EFR3B: variants seen among roughly 807,000 people sequenced by gnomAD.
EFR3B encodes protein EFR3 homolog B.
EFR3B carries 64 observed loss-of-function variants against 104.7 expected under a neutral mutation model. The observed-to-expected ratio is 0.61, with a 90% CI of 0.50 to 0.75. EFR3B has a LOEUF of 0.75. Ranked by LOEUF, EFR3B falls within the 30% of genes least tolerant of loss-of-function variation. EFR3B has a pLI of 0.00. For synonymous variants in EFR3B, 385 were observed against 417.9 expected, an observed-to-expected ratio of 0.92 and a Z score of 0.96; for missense variants, 750 against 1,078.5, an observed-to-expected ratio of 0.70 and a Z score of 4.27.
At chr2:25,079,232 A>G (rs776045943) in intron 1 of EFR3B, among the ~76,000 whole-genome samples, 1 of 152,208 alleles carries the variant, frequency 6.6e-6, no homozygotes, top group Non-Finnish European at 1.5e-5. Context: ...ATAAAGAATG[A>G]ATTGAAGTGA....
chr2:25,129,557 C>T (rs1395720604), intron 6 of EFR3B, among the ~76,000 whole-genome samples: 1 of 152,008 alleles, frequency 6.6e-6, no homozygotes, highest in Non-Finnish European at 1.5e-5. Flanking sequence ...TTTTCCCTCC[C>T]TCTCTTTCCT....
At chr2:25,122,398 A>G in intron 5 of EFR3B, among the ~76,000 whole-genome samples, 1 of 152,110 alleles carries the variant, frequency 6.6e-6, no homozygotes, top group East Asian at 1.9e-4. Flanking sequence ...AGCCCTCCAT[A>G]CACTCTTTTG....
At chr2:25,072,393 A>G (rs997329952) in intron 1 of EFR3B, among the ~76,000 whole-genome samples, 2 of 151,980 alleles carry the variant, frequency 1.3e-5, no homozygotes, top group Admixed American at 1.3e-4. Context: ...TGATCCTCCA[A>G]CCTCAGCCTC....
intron 1 of EFR3B, among the ~76,000 whole-genome samples, chr2:25,043,397 C>T (rs947032276): frequency 8.5e-5 from 13 of 152,160 alleles, no homozygotes; most frequent in African/African-American, 3.1e-4. Flanking sequence ...TGCCTCGCTC[C>T]GCGAACAGAC....
chr2:25,154,460 C>A lies in EFR3B; in HGVS notation c.*120C>A, dbSNP rs2118404. On this transcript the variant is annotated 3_prime_UTR_variant, in exon 23 of 23. Transcript: ENST00000403714. The surrounding 1 kb of genome is among the most constrained non-coding windows in gnomAD (Gnocchi z 4.1). ...GAGAAAACATCACCTTAGATGGCAG[C>A]GCCTCCCAGGCTAAGCCAAGGTGGA... 1.6e-5 allele frequency: 15 copies of A among 923,194 alleles called. No individual in the cohort carries two copies. The Admixed American group carries it at 2.2e-4, about 13-fold the overall frequency. The allele number at this position is 923,194 out of a possible 1,614,324, so 57.2% of individuals were successfully genotyped here.
intron 1 of EFR3B, among the ~76,000 whole-genome samples, chr2:25,049,276 G>A (rs777754898): frequency 2.0e-5 from 3 of 152,024 alleles, no homozygotes; most frequent in African/African-American, 2.4e-5. Flanking sequence ...CTAACTATTT[G>A]CGTGTTAGTA....
chr2:25,079,953 G>T, intron 1 of EFR3B: 3 of 1,269,328 alleles, frequency 2.4e-6, no homozygotes, highest in Non-Finnish European at 2.3e-6. Flanking sequence ...GGCTAAGTCC[G>T]CTGTTTCAGA....
intron 1 of EFR3B, among the ~76,000 whole-genome samples, chr2:25,084,213 AAT>A: frequency 6.6e-6 from 1 of 151,794 alleles, no homozygotes; most frequent in South Asian, 2.1e-4. Context: ...GGTCTCAGTT[AAT>A]TAATTATTTT....
chr2:25,071,203 G>A (rs1337282953), intron 1 of EFR3B, among the ~76,000 whole-genome samples: 25 of 149,904 alleles, frequency 1.7e-4, no homozygotes, highest in African/African-American at 2.5e-4. Context: ...CTCGTGATCC[G>A]CCTGCCTTGG....
At chr2:25,091,559 A>G (rs1239367657) in intron 2 of EFR3B, among the ~76,000 whole-genome samples, 158 bp downstream of exon 2, 2 of 152,264 alleles carry the variant, frequency 1.3e-5, no homozygotes, top group South Asian at 2.1e-4. Context: ...AACCTGGGCT[A>G]CAGCCATGGG....
chr2:25,092,615 C>G (rs1031979555), intron 2 of EFR3B, among the ~76,000 whole-genome samples: 13 of 151,544 alleles, frequency 8.6e-5, no homozygotes, highest in Admixed American at 3.3e-4. Context: ...ATGGTGCAAT[C>G]TTGGCTCACT....
intron 1 of EFR3B, chr2:25,081,721 C>T: frequency 2.0e-6 from 1 of 495,668 alleles, no homozygotes; most frequent in South Asian, 3.9e-5. Flanking sequence ...TTGGTACCGC[C>T]TGCAGCCGCA....
intron 1 of EFR3B, among the ~76,000 whole-genome samples, chr2:25,070,348 G>A (rs1250142838): frequency 6.6e-6 from 1 of 152,066 alleles, no homozygotes; most frequent in Non-Finnish European, 1.5e-5. Context: ...TGCAACCTCC[G>A]CCTCCCGGGT....
intron 1 of EFR3B, among the ~76,000 whole-genome samples, chr2:25,043,553 T>TACGTTTGCATTTCTG (rs1460356634): frequency 2.0e-5 from 3 of 152,068 alleles, no homozygotes; most frequent in Non-Finnish European, 2.9e-5. Flanking sequence ...TGCTCAGAAA[T>TACGTTTGCATTTCTG]ACGTTTGCAT....
chr2:25,058,917 C>T (rs183801685), intron 1 of EFR3B, among the ~76,000 whole-genome samples: 1 of 152,118 alleles, frequency 6.6e-6, no homozygotes, highest in Non-Finnish European at 1.5e-5. Flanking sequence ...ATAGAATTAC[C>T]ATATGATCTA....
intron 1 of EFR3B, among the ~76,000 whole-genome samples, chr2:25,046,569 C>G (rs1667724475): frequency 1.4e-5 from 2 of 141,634 alleles, no homozygotes; most frequent in South Asian, 4.7e-4. Context: ...GTGGCGCGAT[C>G]TCGGCTCACT....
rs374931377 is a variant in EFR3B, at chr2:25,042,568, G to A, written c.7+249G>A. 3 of 1,202,294 alleles carry A rather than the reference G, an allele frequency of 2.5e-6. No individual in the cohort carries two copies. The highest frequency in any genetic ancestry group is 3.2e-5 in the African/African-American group (2 of 63,390). 74.5% of individuals were successfully genotyped at this position (1,202,294 alleles called of 1,614,324 possible). ...GGTGCTGGGCGGTGGTCCTTCGGGG[G>A]GCGGAGGCTCAGGGGAAAGCGGGTC... On this transcript the variant is annotated intron_variant, in intron 1 of 22. Coordinates refer to ENST00000403714, the MANE Select transcript of EFR3B (RefSeq NM_014971.2). This position sits in a 1 kb window ranked among gnomAD's most constrained non-coding sequence, Gnocchi z 5.4.
At chr2:25,070,605 A>T (rs2149174239) in intron 1 of EFR3B, among the ~76,000 whole-genome samples, 1 of 152,312 alleles carries the variant, frequency 6.6e-6, no homozygotes, top group East Asian at 1.9e-4. Context: ...GGAGCTAGTG[A>T]TGGCTGATAA....
In EFR3B at chr2:25,157,034, T is replaced by G. The variant is rs1671188496; in HGVS notation, c.*2694T>G. On this transcript the variant is annotated 3_prime_UTR_variant, in exon 23 of 23. Transcript: ENST00000403714. Reference sequence around the variant, plus strand: ...TCTTTCCAGAGCCAGCATTAGAACCTGAGATCCCCAGATGTTTCTGCCCCT... The same window carrying G: ...TCTTTCCAGAGCCAGCATTAGAACCGGAGATCCCCAGATGTTTCTGCCCCT... 6.6e-6 allele frequency: 1 copy of G among 152,340 alleles called. No individual in the cohort carries two copies. Among genetic ancestry groups the G allele is most frequent in the South Asian group, 2.1e-4 (1 of 4,822 alleles). 9.4% of individuals were successfully genotyped at this position (152,340 alleles called of 1,614,324 possible). A position where few individuals can be genotyped will look rare whatever the true frequency, so the allele number is the denominator to read the frequency against.
Sources: allele counts gnomAD v4.1 joint callset (sites outside exome capture counted in the v4.1 genomes callset), GRCh38; gene constraint gnomAD v4.1.1; non-coding constraint Gnocchi (gnomAD v3.1); transcripts MANE v1.5; gene names NCBI Gene and HGNC (gene_info 2026-07-23, HGNC 2026-07-21).